C8orf34: variants seen among roughly 807,000 people sequenced by gnomAD.
The protein encoded by C8orf34 is uncharacterized protein C8orf34.
Under a neutral mutation model 68.3 loss-of-function variants are expected in C8orf34, and 65 were observed. The ratio of observed to expected loss-of-function variants is 0.95; its 90% CI spans 0.78 to 1.17. C8orf34 has a LOEUF of 1.17. Among genes scored for constraint, C8orf34 ranks in the 50% most tolerant of loss-of-function variants. The pLI is 0.00. For synonymous variants in C8orf34, 244 were observed against 241.2 expected (o/e 1.01, Z -0.11); for missense variants, 664 against 655.4 (o/e 1.01, Z -0.14).
intron 10 of C8orf34, among the ~76,000 whole-genome samples, chr8:68,728,819 T>G (rs2129526777): frequency 6.6e-6 from 1 of 152,320 alleles, no homozygotes; most frequent in African/African-American, 2.4e-5. Context: ...GTTTTGTTGA[T>G]TAGTATATGC....
rs150204637 is a variant in C8orf34 at position 68,496,658 on chromosome 8, G to C, written c.765+8607G>C. Among the ~76,000 whole-genome samples the C allele has an allele frequency of 1.1e-3, 169 of 152,324 alleles. 2 individuals are homozygous for C. In the East Asian group the frequency reaches 0.03, roughly 27 times the overall value. On this transcript the variant is annotated intron_variant, in intron 5 of 13. Coordinates refer to ENST00000518698, the MANE Select transcript of C8orf34 (RefSeq NM_052958.4). ...CAAAATCTTAACTCCTTCCAAGTAA[G>C]AATGTCTTTTCACCAGATAGCTTTG...
At chr8:68,708,059 A>G (rs1821222287) in intron 8 of C8orf34, among the ~76,000 whole-genome samples, 1 of 152,196 alleles carries the variant, frequency 6.6e-6, no homozygotes, top group African/African-American at 2.4e-5. Flanking sequence ...GTACAAAACC[A>G]CACAAAGCTT....
At chr8:68,567,106 T>G in intron 7 of C8orf34, among the ~76,000 whole-genome samples, 1 of 152,188 alleles carries the variant, frequency 6.6e-6, no homozygotes, top group East Asian at 1.9e-4. Context: ...TTGTGTTCCT[T>G]TTCTCGTTTT....
chr8:68,697,871 C>T (rs149689635), intron 8 of C8orf34, among the ~76,000 whole-genome samples: 16 of 152,150 alleles, frequency 1.1e-4, no homozygotes, highest in African/African-American at 3.9e-4. Context: ...AATTCCCCCT[C>T]GGGGGAGCCT....
At chr8:68,438,174 A>T (rs1316045068) in intron 1 of C8orf34, 1 of 152,126 alleles carries the variant, frequency 6.6e-6, no homozygotes, top group Non-Finnish European at 1.5e-5. Flanking sequence ...AGCTAGGCAG[A>T]GTTCTAGGCC....
intron 8 of C8orf34, among the ~76,000 whole-genome samples, chr8:68,689,056 C>T (rs1820610093): frequency 6.6e-6 from 1 of 152,016 alleles, no homozygotes; most frequent in Non-Finnish European, 1.5e-5. Flanking sequence ...TGAAATACTA[C>T]TCAGCCGTAA....
At chr8:68,530,698 T>A (rs1457036598) in intron 6 of C8orf34, 1 of 851,206 alleles carries the variant, frequency 1.2e-6, no homozygotes, top group East Asian at 6.9e-5. Flanking sequence ...TTATGTTTTA[T>A]TTCCACTATT....
chr8:68,458,314 C>T (rs1401081999), intron 3 of C8orf34, among the ~76,000 whole-genome samples: 3 of 152,088 alleles, frequency 2.0e-5, no homozygotes, highest in African/African-American at 7.2e-5. Flanking sequence ...TGTAGACTGG[C>T]CAGTTCTCCT....
At chr8:68,792,922 T>C (rs917536518) in intron 12 of C8orf34, among the ~76,000 whole-genome samples, 9 of 151,970 alleles carry the variant, frequency 5.9e-5, no homozygotes, top group African/African-American at 1.2e-4. Flanking sequence ...TAAAAATACA[T>C]ACATGTACTT....
intron 1 of C8orf34, among the ~76,000 whole-genome samples, chr8:68,382,936 C>T (rs570270424): frequency 2.0e-5 from 3 of 152,274 alleles, no homozygotes; most frequent in Admixed American, 2.0e-4. Flanking sequence ...GTTTCATCCT[C>T]CTGGGAGAAA....
At chr8:68,459,583 T>C (rs1372442769) in intron 3 of C8orf34, among the ~76,000 whole-genome samples, 1 of 152,140 alleles carries the variant, frequency 6.6e-6, no homozygotes, top group Non-Finnish European at 1.5e-5. Context: ...GTACAGCAAC[T>C]ATGGAGAACA....
chr8:68,597,248 G>A (rs1409127735), intron 7 of C8orf34, among the ~76,000 whole-genome samples: 3 of 152,028 alleles, frequency 2.0e-5, no homozygotes, highest in Non-Finnish European at 4.4e-5. Flanking sequence ...GACACCAAGA[G>A]TCACCTGTGT....
rs143610681 is a variant in C8orf34 at position 68,484,463 on chromosome 8, A to G, written c.737-3560A>G. Among the ~76,000 whole-genome samples, 499 of 152,262 alleles carry G rather than the reference A, an allele frequency of 3.3e-3. 4 individuals carry two copies. The highest frequency in any genetic ancestry group is 0.011 in the African/African-American group (454 of 41,546). ...TGTTCCAGTGCTCATTAAGAGTCCT[A>G]CCCTCAAGTCCTGGGCTTTTCTTTC... is the stretch of plus-strand genomic sequence containing the variant. On this transcript the variant is annotated intron_variant, in intron 4 of 13. Coordinates refer to ENST00000518698, the MANE Select transcript of C8orf34 (RefSeq NM_052958.4).
intron 10 of C8orf34, among the ~76,000 whole-genome samples, chr8:68,775,843 T>A (rs967185492): frequency 2.6e-5 from 4 of 152,170 alleles, no homozygotes; most frequent in Non-Finnish European, 5.9e-5. Context: ...TACGAGATCA[T>A]GTCCTTTGCA....
intron 2 of C8orf34, among the ~76,000 whole-genome samples, chr8:68,441,692 G>T (rs536527528): frequency 8.5e-5 from 13 of 152,184 alleles, no homozygotes; most frequent in Admixed American, 8.5e-4. Flanking sequence ...AGTCAACAAG[G>T]GCATTTCTCT....
chr8:68,476,435 G>A (rs949049314), intron 4 of C8orf34, among the ~76,000 whole-genome samples: 2 of 152,180 alleles, frequency 1.3e-5, no homozygotes, highest in Non-Finnish European at 2.9e-5. Context: ...CTGGAAGAGA[G>A]AAGCATGTGT....
chr8:68,573,934 G>T (rs1391520087), intron 7 of C8orf34, among the ~76,000 whole-genome samples: 5 of 152,144 alleles, frequency 3.3e-5, no homozygotes, highest in Non-Finnish European at 7.4e-5. Flanking sequence ...ATTTGTGAAA[G>T]TATTTATGCA....
intron 9 of C8orf34, among the ~76,000 whole-genome samples, chr8:68,718,355 A>T (rs572638688): frequency 1.3e-5 from 2 of 152,258 alleles, no homozygotes; most frequent in Non-Finnish European, 2.9e-5. Context: ...TCAGCTTCTC[A>T]TTTACATAAT....
chr8:68,382,229 TAA>T (rs1361099302), intron 1 of C8orf34, among the ~76,000 whole-genome samples: 8 of 152,244 alleles, frequency 5.3e-5, no homozygotes, highest in African/African-American at 1.9e-4. Flanking sequence ...TCTTGTTGAT[TAA>T]ATTGCATATA....
Sources: allele counts gnomAD v4.1 joint callset (sites outside exome capture counted in the v4.1 genomes callset), GRCh38; gene constraint gnomAD v4.1.1; transcripts MANE v1.5; gene names NCBI Gene and HGNC (gene_info 2026-07-23, HGNC 2026-07-21).